The following TENM1 variants were observed in gnomAD, a reference collection of about 807,000 sequenced individuals.
TENM1 encodes teneurin transmembrane protein 1.
Under a neutral mutation model 174.8 loss-of-function variants are expected in TENM1, and 35 were observed. The observed-to-expected ratio is 0.20, with a 90% CI of 0.15 to 0.27. The LOEUF (loss-of-function observed/expected upper bound fraction) is 0.27. Ranked by LOEUF, TENM1 falls within the 10% of genes least tolerant of loss-of-function variation. The pLI, the probability that TENM1 is intolerant of heterozygous loss-of-function variation, is 1.00. For missense variants in TENM1, 1,633 were observed against 2,130.1 expected (o/e 0.77, Z 4.59); for synonymous variants, 781 against 798.7 (o/e 0.98, Z 0.37).
At chrX:125,086,573 G>A in the TENM1 span, among the ~76,000 whole-genome samples, 7 of 110,699 alleles carry the variant, frequency 6.3e-5, no homozygotes, top group African/African-American at 2.3e-4. Context: ...AAAATTTACA[G>A]ATTATTTATT....
At chrX:124,840,858 T>C (rs999982645) in intron 3 of TENM1, among the ~76,000 whole-genome samples, 3 of 111,996 alleles carry the variant, frequency 2.7e-5, no homozygotes, top group Non-Finnish European at 5.6e-5. Context: ...TATATCATTT[T>C]ATAATATACA....
intron 9 of TENM1, among the ~76,000 whole-genome samples, chrX:124,646,423 G>T (rs894003210): frequency 8.9e-6 from 1 of 112,561 alleles, no homozygotes; most frequent in Non-Finnish European, 1.9e-5. Context: ...CCCTGGTTAA[G>T]TCACTTAAAC....
intron 14 of TENM1, among the ~76,000 whole-genome samples, chrX:124,561,363 C>T (rs1315905824): frequency 5.4e-5 from 6 of 110,491 alleles, no homozygotes; most frequent in Non-Finnish European, 1.1e-4. Context: ...CTTACTATCC[C>T]CACCCAGAGC....
In TENM1 at chrX:124,510,996, C is replaced by T. The variant is rs1342007241; in HGVS notation, c.3302-7293G>A. ...TTTGAAATGGGCACAAGACCACTTG[C>T]TTATGAAAGTATTAGTGAAGGCCAT... On this transcript the variant is annotated intron_variant, in intron 18 of 31. Transcript: ENST00000422452. Among the ~76,000 whole-genome samples, 5 of 112,208 alleles carry T rather than the reference C, an allele frequency of 4.5e-5. 1 individual carries two copies. Among genetic ancestry groups the T allele is most frequent in the Non-Finnish European group, 9.4e-5 (5 of 53,261 alleles).
chrX:124,794,741 T>C (rs997342196), intron 3 of TENM1, among the ~76,000 whole-genome samples: 5 of 111,823 alleles, frequency 4.5e-5, no homozygotes, highest in African/African-American at 9.8e-5. Context: ...TTTAAGCTCA[T>C]TGTAATGGCC....
chrX:125,137,821 C>T, the TENM1 span, among the ~76,000 whole-genome samples: 31 of 111,041 alleles, frequency 2.8e-4, no homozygotes, highest in African/African-American at 9.2e-4. Flanking sequence ...AAGAGTTACT[C>T]TACACCTTCC....
chrX:125,060,181 T>A, the TENM1 span, among the ~76,000 whole-genome samples: 620 of 93,800 alleles, frequency 6.6e-3, 6 homozygotes, highest in Non-Finnish European at 8.6e-3. Context: ...TCTCTCTCTC[T>A]CACACACACA....
At chrX:124,995,080 C>T in the TENM1 span, among the ~76,000 whole-genome samples, 1 of 110,508 alleles carries the variant, frequency 9.0e-6, no homozygotes, top group Non-Finnish European at 1.9e-5. Context: ...TCCCTCACAC[C>T]ACAGGGCCTT....
chrX:125,044,357 G>T, the TENM1 span, among the ~76,000 whole-genome samples: 3 of 109,974 alleles, frequency 2.7e-5, no homozygotes, highest in Non-Finnish European at 5.7e-5. Flanking sequence ...CAAGGCTGAG[G>T]TGGAAGGATC....
chrX:124,455,589 G>A (rs7058630), intron 22 of TENM1, among the ~76,000 whole-genome samples: 19,730 of 110,540 alleles, frequency 0.18, 3,764 homozygotes, highest in African/African-American at 0.57. Context: ...TCAAGTCTGG[G>A]GATGGAAAGA....
chrX:125,026,129 T>C, the TENM1 span, among the ~76,000 whole-genome samples: 20 of 109,245 alleles, frequency 1.8e-4, no homozygotes, highest in Admixed American at 1.5e-3. Flanking sequence ...AAAATCTGGT[T>C]TATTTAAAAT....
intron 11 of TENM1, among the ~76,000 whole-genome samples, chrX:124,574,512 A>G: frequency 9.0e-6 from 1 of 111,445 alleles, no homozygotes; most frequent in Middle Eastern, 4.6e-3. Context: ...AAATTAAGAA[A>G]TTATTACATA....
chrX:124,709,884 C>G (rs2053003305), intron 4 of TENM1, among the ~76,000 whole-genome samples: 2 of 111,093 alleles, frequency 1.8e-5, no homozygotes, highest in African/African-American at 6.5e-5. Flanking sequence ...GTAAGCATTA[C>G]AAAGAAACTA....
chrX:124,933,810 C>A (rs1315280335), intron 1 of TENM1, among the ~76,000 whole-genome samples: 3 of 111,529 alleles, frequency 2.7e-5, no homozygotes, highest in African/African-American at 6.5e-5. Flanking sequence ...ACTTTATTTA[C>A]CCAGTTTAAA....
the TENM1 span, among the ~76,000 whole-genome samples, chrX:125,048,044 G>A: frequency 2.7e-5 from 3 of 110,735 alleles, no homozygotes; most frequent in Non-Finnish European, 5.7e-5. Context: ...CAATTTTAAA[G>A]GCAAAGAAAT....
chrX:124,933,024 G>A lies in TENM1; in HGVS notation c.217+30513C>T, dbSNP rs1036375133. ...ACAGTCAAGTCACTACACTTGGTGA[G>A]TTCATATTCAAATCAATCATAAATT... is the stretch of plus-strand genomic sequence containing the variant. On this transcript the variant is annotated intron_variant, in intron 1 of 31. Coordinates refer to ENST00000422452, the Ensembl canonical transcript of TENM1. Among the ~76,000 whole-genome samples, 5 of 112,084 alleles carry A rather than the reference G, an allele frequency of 4.5e-5. No individual in the cohort carries two copies. In the East Asian group the frequency reaches 1.4e-3, roughly 31 times the overall value.
At chrX:125,115,792 T>C in the TENM1 span, among the ~76,000 whole-genome samples, 8 of 110,658 alleles carry the variant, frequency 7.2e-5, no homozygotes, top group Admixed American at 1.9e-4. Flanking sequence ...AGAATCAATA[T>C]CTTGAAAATG....
chrX:124,720,470 C>T (rs1336703012), intron 4 of TENM1, among the ~76,000 whole-genome samples: 1 of 111,494 alleles, frequency 9.0e-6, no homozygotes, highest in Non-Finnish European at 1.9e-5. Context: ...CGGATCAAAC[C>T]AATGATGTAA....
chrX:124,523,183 T>C (rs2047892573), intron 17 of TENM1, among the ~76,000 whole-genome samples, 181 bp downstream of exon 20: 2 of 112,331 alleles, frequency 1.8e-5, no homozygotes, highest in Admixed American at 1.9e-4. Context: ...AGCATTCTAA[T>C]GCCCTGACCA....
Sources: gnomAD v4.1 joint callset for allele counts (sites outside exome capture counted in the v4.1 genomes callset) on GRCh38, gnomAD v4.1.1 for gene constraint, MANE v1.5 for transcripts, NCBI Gene and HGNC (gene_info 2026-07-23, HGNC 2026-07-21) for gene names.